The following PACRG variants were observed in gnomAD, a reference collection of about 807,000 sequenced individuals.
PACRG encodes parkin coregulated.
In PACRG, 29 loss-of-function variants were observed where a neutral mutation model predicts 29.7. The ratio of observed to expected loss-of-function variants is 0.98; its 90% CI spans 0.73 to 1.33. The LOEUF (loss-of-function observed/expected upper bound fraction) is 1.33, where lower values mean the gene tolerates loss of function less well. Among genes scored for constraint, PACRG ranks in the 40% most tolerant of loss-of-function variants. PACRG has a pLI of 0.00. For synonymous variants in PACRG, 116 were observed against 118.7 expected (o/e 0.98, Z 0.15); for missense variants, 279 against 316.2 (o/e 0.88, Z 0.89).
At chr6:163,010,100 G>C in intron 2 of PACRG, among the ~76,000 whole-genome samples, 1 of 150,432 alleles carries the variant, frequency 6.6e-6, no homozygotes, top group East Asian at 2.0e-4. Context: ...ATAAAACTGC[G>C]ATTCCCTTAG....
intron 4 of PACRG, among the ~76,000 whole-genome samples, chr6:163,263,066 A>T (rs1416727429): frequency 6.7e-6 from 1 of 149,500 alleles, no homozygotes; most frequent in African/African-American, 2.5e-5. Flanking sequence ...TAATAGTAAT[A>T]TATAAATTTG....
At chr6:162,880,446 A>G (rs1006074515) in intron 2 of PACRG, among the ~76,000 whole-genome samples, 1 of 152,004 alleles carries the variant, frequency 6.6e-6, no homozygotes, top group Non-Finnish European at 1.5e-5. Flanking sequence ...GCAAAGGAAC[A>G]ACAACAACAA....
intron 4 of PACRG, among the ~76,000 whole-genome samples, chr6:163,195,152 T>C (rs1780393140): frequency 6.6e-6 from 1 of 152,322 alleles, no homozygotes. Context: ...AGGAGCCTCT[T>C]TATCCCCCCA....
chr6:162,947,921 C>T (rs1266559142), intron 2 of PACRG, among the ~76,000 whole-genome samples: 1 of 151,234 alleles, frequency 6.6e-6, no homozygotes, highest in African/African-American at 2.4e-5. Context: ...ACAAAGGTCA[C>T]CCATGCTCAT....
chr6:163,033,726 C>T (rs1206436323), intron 2 of PACRG, among the ~76,000 whole-genome samples: 1 of 152,142 alleles, frequency 6.6e-6, no homozygotes, highest in African/African-American at 2.4e-5. Flanking sequence ...TGAACCCAGG[C>T]CACCATTGTG....
At chr6:162,928,385 A>C (rs1462667020) in intron 2 of PACRG, among the ~76,000 whole-genome samples, 1 of 151,852 alleles carries the variant, frequency 6.6e-6, no homozygotes, top group Non-Finnish European at 1.5e-5. Flanking sequence ...TCTGATTTAA[A>C]TGTATGTGGG....
intron 1 of PACRG, among the ~76,000 whole-genome samples, chr6:162,745,528 T>C (rs1397155745): frequency 6.6e-6 from 1 of 152,168 alleles, no homozygotes; most frequent in Non-Finnish European, 1.5e-5. Flanking sequence ...TCTGCACATG[T>C]ATCCTGGAAC....
At chr6:162,768,169 G>T (rs940785305) in intron 1 of PACRG, among the ~76,000 whole-genome samples, 2 of 151,994 alleles carry the variant, frequency 1.3e-5, no homozygotes, top group South Asian at 2.1e-4. Context: ...GTGATTAACT[G>T]TTTATGCTCA....
At chr6:162,923,655 T>C (rs1169183638) in intron 2 of PACRG, among the ~76,000 whole-genome samples, 1 of 151,996 alleles carries the variant, frequency 6.6e-6, no homozygotes, top group African/African-American at 2.4e-5. Flanking sequence ...TGTTGAAAAT[T>C]AGTTGATTGT....
intron 1 of PACRG, among the ~76,000 whole-genome samples, chr6:162,746,817 C>T (rs1781022003): frequency 6.6e-6 from 1 of 152,088 alleles, no homozygotes; most frequent in South Asian, 2.1e-4. Flanking sequence ...CTTTCATATT[C>T]ATAACTTACA....
chr6:163,105,568 C>T (rs550798111), intron 4 of PACRG, among the ~76,000 whole-genome samples: 2 of 152,106 alleles, frequency 1.3e-5, no homozygotes, highest in East Asian at 1.9e-4. Flanking sequence ...AAGTGGCTAT[C>T]GATATAGTTA....
At chr6:163,240,054 ACACACACACTCACACCTCCACCCCCC>A (rs1276795497) in intron 4 of PACRG, among the ~76,000 whole-genome samples, 1 of 140,248 alleles carries the variant, frequency 7.1e-6, no homozygotes, top group East Asian at 2.3e-4. Context: ...ACAGACACAT[ACACACACACTCACACCTCCACCCCCC>A]CACACACACT....
rs148401263 is a variant in PACRG at position 162,911,880 on chromosome 6, A to G, written c.291+97599A>G. 4.4e-3 allele frequency among the ~76,000 whole-genome samples: 672 copies of G among 152,314 alleles called. 5 individuals carry two copies. Among genetic ancestry groups the G allele is most frequent in the Non-Finnish European group, 8.3e-3 (563 of 68,024 alleles). On this transcript the variant is annotated intron_variant, in intron 2 of 4. Transcript: ENST00000366888. ...TTCCTTAACTCTGAAAGTCCTGTAG[A>G]AAAAGTTGCCTTCAGAAGAGAAGTA... is the stretch of plus-strand genomic sequence containing the variant.
chr6:162,732,297 A>G (rs184468681), intron 1 of PACRG, among the ~76,000 whole-genome samples: 2 of 152,262 alleles, frequency 1.3e-5, no homozygotes, highest in Admixed American at 1.3e-4. Context: ...GGAGAGAAAA[A>G]TGGGTATGGA....
chr6:163,142,762 T>C (rs1380003475), intron 4 of PACRG, among the ~76,000 whole-genome samples: 2 of 152,220 alleles, frequency 1.3e-5, no homozygotes, highest in Non-Finnish European at 2.9e-5. Flanking sequence ...AGAGCCTTGC[T>C]ATGTGGTTTG....
At chr6:162,781,065 T>C (rs1277419175) in intron 1 of PACRG, among the ~76,000 whole-genome samples, 3 of 151,252 alleles carry the variant, frequency 2.0e-5, no homozygotes, top group Non-Finnish European at 4.4e-5. Flanking sequence ...ACAAGAAAGA[T>C]GAAGAAAATG....
intron 4 of PACRG, among the ~76,000 whole-genome samples, chr6:163,125,155 C>T (rs767360444): frequency 5.3e-5 from 8 of 152,222 alleles, no homozygotes; most frequent in Admixed American, 2.0e-4. Flanking sequence ...CAAGGAAAGA[C>T]TAGATTATTT....
At chr6:162,748,709 C>G (rs1781285650) in intron 1 of PACRG, among the ~76,000 whole-genome samples, 2 of 152,162 alleles carry the variant, frequency 1.3e-5, no homozygotes, top group Admixed American at 1.3e-4. Context: ...GCCTACTCCC[C>G]TCCCCCAGGT....
Position 163,091,287 on chromosome 6 carries a change from A to G in PACRG, c.613+1879A>G, listed in dbSNP as rs548534000. On this transcript the variant is annotated intron_variant, in intron 4 of 4. Coordinates refer to ENST00000366888, the MANE Select transcript of PACRG (RefSeq NM_001080379.2). The stretch of plus-strand genomic sequence containing the variant: ...CTTGTTGGGAGCTCTAGACTACTAA[A>G]CAAAACAATTGGTTTCTACTGCTTT... 3.9e-5 allele frequency among the ~76,000 whole-genome samples: 6 copies of G among 152,348 alleles called. 1 individual carries two copies. In the South Asian group the frequency reaches 1.0e-3, roughly 26 times the overall value.
Sources: allele counts gnomAD v4.1 joint callset (sites outside exome capture counted in the v4.1 genomes callset), GRCh38; gene constraint gnomAD v4.1.1; transcripts MANE v1.5; gene names NCBI Gene and HGNC (gene_info 2026-07-23, HGNC 2026-07-21).